STAG1: variants seen among roughly 807,000 people sequenced by gnomAD.
STAG1 encodes the protein STAG1 cohesin complex component.
Under a neutral mutation model 170.9 loss-of-function variants are expected in STAG1, and 26 were observed. The observed-to-expected ratio is 0.15, with a 90% confidence interval of 0.11 to 0.21. The LOEUF is 0.21. STAG1 is among the 10% of genes least tolerant of loss of function. The pLI is 1.00. For synonymous variants in STAG1, 514 were observed against 497.7 expected, an observed-to-expected ratio of 1.03 and a Z score of -0.44; for missense variants, 964 against 1,509.5, an observed-to-expected ratio of 0.64 and a Z score of 5.99.
chr3:136,679,307 C>T (rs1219707542), intron 1 of STAG1, among the ~76,000 whole-genome samples: 1 of 151,768 alleles, frequency 6.6e-6, no homozygotes, highest in Non-Finnish European at 1.5e-5. Context: ...GGGCCAGGCA[C>T]GGTGGCTCAT....
intron 4 of STAG1, among the ~76,000 whole-genome samples, chr3:136,570,513 G>A (rs1291509531): frequency 2.0e-5 from 3 of 152,152 alleles, no homozygotes; most frequent in Non-Finnish European, 4.4e-5. Flanking sequence ...CACATTTGAT[G>A]AATGTAAACA....
At chr3:136,385,576 G>T (rs2086851961) in intron 22 of STAG1, among the ~76,000 whole-genome samples, 1 of 152,140 alleles carries the variant, frequency 6.6e-6, no homozygotes, top group South Asian at 2.1e-4. Context: ...TTATTAGATT[G>T]GCTAAGGTTT....
chr3:136,583,785 T>C (rs1576632649), intron 4 of STAG1, among the ~76,000 whole-genome samples: 1 of 152,198 alleles, frequency 6.6e-6, no homozygotes, highest in Middle Eastern at 3.4e-3. Context: ...TGAGACACTG[T>C]CTCTCAAGGA....
chr3:136,726,862 T>C (rs1933716789), intron 1 of STAG1, among the ~76,000 whole-genome samples: 1 of 152,210 alleles, frequency 6.6e-6, no homozygotes, highest in Non-Finnish European at 1.5e-5. Context: ...TCTAACCTCA[T>C]GCAACACCAC....
intron 21 of STAG1, among the ~76,000 whole-genome samples, chr3:136,400,776 C>T (rs903437265): frequency 5.9e-5 from 9 of 152,142 alleles, no homozygotes; most frequent in East Asian, 1.9e-4. Context: ...CCTCATGATC[C>T]GCCCGCCTCA....
At chr3:136,512,351 T>A (rs967618287) in intron 7 of STAG1, among the ~76,000 whole-genome samples, 1 of 152,060 alleles carries the variant, frequency 6.6e-6, no homozygotes, top group Non-Finnish European at 1.5e-5. Context: ...CCAGACACCA[T>A]CAGCTATTAG....
At chr3:136,657,998 G>C (rs1941451090) in intron 1 of STAG1, among the ~76,000 whole-genome samples, 1 of 152,078 alleles carries the variant, frequency 6.6e-6, no homozygotes, top group Non-Finnish European at 1.5e-5. Flanking sequence ...TGGCAGACCA[G>C]GACTTATGGT....
rs1162260055 is a variant in STAG1, at chr3:136,473,680, C to T, written c.1027-43G>A. 4 of 1,449,132 alleles carry T rather than the reference C, an allele frequency of 2.8e-6. No individual in the cohort carries two copies. The South Asian group carries it at 3.5e-5, about 13-fold the overall frequency. 89.8% of individuals were successfully genotyped at this position (1,449,132 alleles called of 1,614,324 possible). ...AAAGCACAACAGAAGGAGTCAATTC[C>T]ATACTACAATTTTCAAGTCTATATG... is the stretch of plus-strand genomic sequence containing the variant. On this transcript the variant is annotated intron_variant, in intron 10 of 33. Coordinates refer to ENST00000383202, the MANE Select transcript of STAG1 (RefSeq NM_005862.3).
intron 1 of STAG1, among the ~76,000 whole-genome samples, chr3:136,638,248 C>T (rs1940656333): frequency 6.6e-6 from 1 of 152,010 alleles, no homozygotes; most frequent in African/African-American, 2.4e-5. Flanking sequence ...ATTCTCCTGC[C>T]TCAGCCTCCC....
intron 7 of STAG1, among the ~76,000 whole-genome samples, chr3:136,513,869 ACAG>A (rs1256720488): frequency 2.0e-4 from 30 of 152,284 alleles, no homozygotes; most frequent in African/African-American, 7.0e-4. Context: ...AAAAATTCAA[ACAG>A]CAGAAACAAT....
intron 6 of STAG1, among the ~76,000 whole-genome samples, chr3:136,537,389 G>C (rs1184627715): frequency 6.6e-6 from 1 of 152,018 alleles, no homozygotes; most frequent in East Asian, 1.9e-4. Flanking sequence ...AATACTCAAA[G>C]GAGCTGACAG....
chr3:136,445,058 A>G (rs549903780), intron 14 of STAG1, among the ~76,000 whole-genome samples: 1 of 140,444 alleles, frequency 7.1e-6, no homozygotes, highest in African/African-American at 2.7e-5. Context: ...CGGGGTTACC[A>G]TGTTACTAGG....
intron 3 of STAG1, among the ~76,000 whole-genome samples, chr3:136,613,248 T>C (rs932141770): frequency 1.6e-5 from 2 of 126,086 alleles, no homozygotes; most frequent in Non-Finnish European, 3.1e-5. Flanking sequence ...GAGCTTGCAG[T>C]GAGCCACGAT....
intron 28 of STAG1, among the ~76,000 whole-genome samples, chr3:136,356,137 A>C (rs1936644292): frequency 6.9e-6 from 1 of 144,186 alleles, no homozygotes; most frequent in Non-Finnish European, 1.5e-5. Context: ...CAATCCTCCC[A>C]CCTCAGCCTC....
chr3:136,528,180 G>A (rs534692311), intron 6 of STAG1, among the ~76,000 whole-genome samples: 2 of 152,278 alleles, frequency 1.3e-5, no homozygotes, highest in South Asian at 2.1e-4. Context: ...CCTGCCCCAG[G>A]GTGGAGTCTA....
At chr3:136,486,467 T>A (rs1369771589) in intron 9 of STAG1, among the ~76,000 whole-genome samples, 1 of 152,120 alleles carries the variant, frequency 6.6e-6, no homozygotes, top group African/African-American at 2.4e-5. Flanking sequence ...ACAAAATATA[T>A]CTATAAAACA....
intron 29 of STAG1, 67 bp from the exon 30 acceptor site, chr3:136,344,073 T>C (rs908728023): frequency 2.7e-5 from 35 of 1,275,054 alleles, no homozygotes; most frequent in Non-Finnish European, 3.6e-5. Flanking sequence ...AGTCATAGCA[T>C]AGACTTGTGA....
At chr3:136,663,986 G>A (rs1364665488) in intron 1 of STAG1, among the ~76,000 whole-genome samples, 1 of 152,114 alleles carries the variant, frequency 6.6e-6, no homozygotes, top group South Asian at 2.1e-4. Flanking sequence ...TTAGGGGTGG[G>A]ATATCATCAA....
intron 1 of STAG1, among the ~76,000 whole-genome samples, chr3:136,667,457 A>T (rs944615756): frequency 6.6e-6 from 1 of 152,216 alleles, no homozygotes; most frequent in Non-Finnish European, 1.5e-5. Context: ...TGAGATTATG[A>T]CATAGGTATG....
Sources: gnomAD v4.1 joint callset for allele counts (sites outside exome capture counted in the v4.1 genomes callset) on GRCh38, gnomAD v4.1.1 for gene constraint, MANE v1.5 for transcripts, NCBI Gene and HGNC (gene_info 2026-07-23, HGNC 2026-07-21) for gene names.